PHLDB1: variants seen among roughly 807,000 people sequenced by gnomAD.
PHLDB1 encodes the protein pleckstrin homology like domain family B member 1.
In PHLDB1, 65 loss-of-function variants were observed where a neutral mutation model predicts 139.3. The observed-to-expected ratio is 0.47, with a 90% CI of 0.38 to 0.57. PHLDB1 has a LOEUF of 0.57. Ranked by LOEUF, PHLDB1 falls within the 20% of genes least tolerant of loss-of-function variation. PHLDB1 has a pLI of 0.00. For missense variants in PHLDB1, 1,624 were observed against 1,839.7 expected (o/e 0.88, Z 2.14); for synonymous variants, 679 against 734.5 (o/e 0.92, Z 1.22).
At position 118,656,598 on chromosome 11, in the gene PHLDB1, G is replaced by C. The variant is rs556169667; in HGVS notation, c.3994-85G>C. 4 of 1,364,382 alleles carry C rather than the reference G, an allele frequency of 2.9e-6. No individual in the cohort carries two copies. The African/African-American group carries it at 5.7e-5, about 20-fold the overall frequency. The allele number at this position is 1,364,382 out of a possible 1,614,324, so 84.5% of individuals were successfully genotyped here. On this transcript the variant is annotated intron_variant, in intron 22 of 22. Transcript: ENST00000600882. ...TCCAGGGCTTTCTAGGGGCTGGGAG[G>C]GGAAAGGGCAGATAGGGAGGCAGGT...
Position 118,655,674 on chromosome 11 carries a change from T to G in PHLDB1, c.3944T>G (p.Leu1315Arg). The change falls in exon 21 of 23, where the codon CTG (leucine) becomes CGG (arginine). Residue 1315 changes from leucine to arginine, a missense_variant. Leu to Arg is a moderately radical substitution (Grantham distance 102). Coordinates refer to ENST00000600882, the MANE Select transcript of PHLDB1 (RefSeq NM_001144758.3). ...QAIEEVYYDH[L>R]RSAAKKRFFR... The stretch of plus-strand genomic sequence containing the variant: ...ATTGAGGAAGTGTACTACGACCACC[T>G]GCGCAGTGCAGCCAAGGTCAGGGGT... 1 of 1,612,018 alleles carries G rather than the reference T, an allele frequency of 6.2e-7. No individual in the cohort carries two copies. The highest frequency in any genetic ancestry group is 8.5e-7 in the Non-Finnish European group (1 of 1,178,192).
chr11:118,629,909 C>T, intron 6 of PHLDB1: 1 of 811,840 alleles, frequency 1.2e-6, no homozygotes, highest in Non-Finnish European at 1.7e-6. Context: ...TCACCTGCCA[C>T]TTTAAGTCTT....
At chr11:118,654,818 A>T (rs1948820439) in intron 20 of PHLDB1, 1 of 148,756 alleles carries the variant, frequency 6.7e-6, no homozygotes, top group Non-Finnish European at 1.5e-5. Context: ...CCCGGATTCA[A>T]GTGATTCTCC....
intron 4 of PHLDB1, among the ~76,000 whole-genome samples, chr11:118,618,345 G>T (rs901818754): frequency 1.3e-5 from 2 of 152,098 alleles, no homozygotes; most frequent in South Asian, 4.1e-4. Flanking sequence ...AGGAGCTGAG[G>T]GTTTCCTTGT....
intron 4 of PHLDB1, among the ~76,000 whole-genome samples, chr11:118,619,641 C>G (rs1445858943): frequency 2.0e-5 from 3 of 152,186 alleles, no homozygotes; most frequent in Non-Finnish European, 4.4e-5. Context: ...AGTTTCCAGA[C>G]CGATGAATCA....
intron 18 of PHLDB1, among the ~76,000 whole-genome samples, chr11:118,649,571 T>C (rs1948061155): frequency 6.6e-6 from 1 of 152,098 alleles, no homozygotes; most frequent in Non-Finnish European, 1.5e-5. Flanking sequence ...AGTAGAAAAA[T>C]ATTCCGGTTG....
Position 118,611,672 on chromosome 11 carries a change from A to G in PHLDB1, c.-21-2144A>G, listed in dbSNP as rs1174702251. 6.6e-6 allele frequency among the ~76,000 whole-genome samples: 1 copy of G among 152,102 alleles called. No homozygotes were observed. The highest frequency in any genetic ancestry group is 1.5e-5 in the Non-Finnish European group (1 of 68,008). ...GGAGTTCGAGACCAGCCTGACCAAC[A>G]TGGAGAAACCCCGTCTCTACTAAAA... On this transcript the variant is annotated intron_variant, in intron 1 of 22. Coordinates refer to ENST00000600882, the MANE Select transcript of PHLDB1 (RefSeq NM_001144758.3). This position sits in a 1 kb window ranked among gnomAD's most constrained non-coding sequence, Gnocchi z 4.7.
At chr11:118,655,929 C>T (rs1453716761) in intron 22 of PHLDB1, 37 bp downstream of exon 22, 2 of 1,518,844 alleles carry the variant, frequency 1.3e-6, no homozygotes, top group Non-Finnish European at 1.8e-6. Context: ...AGCACATTAA[C>T]ACCTCCTGTA....
rs782367761 is a variant in PHLDB1, at chr11:118,632,222, G to A, written c.2305G>A (p.Glu769Lys). The change falls in exon 9 of 23, where the codon GAG becomes AAG. Residue 769 changes from glutamate to lysine, a missense_variant. Physicochemically the swap from Glu to Lys is moderately conservative, Grantham distance 56. Coordinates refer to ENST00000600882, the MANE Select transcript of PHLDB1 (RefSeq NM_001144758.3). The surrounding 1 kb of genome is among the most constrained non-coding windows in gnomAD (Gnocchi z 5.9). The part of the protein sequence containing the change: ...REAERALLQK[E>K]QKAVDQLQEK... ...GGCAGAGCGGGCACTGCTGCAGAAG[G>A]AGCAGAAGGCAGTGGATCAGCTGCA... 2 of 1,614,130 alleles carry A rather than the reference G, an allele frequency of 1.2e-6. No homozygotes were observed. The highest frequency in any genetic ancestry group is 2.7e-5 in the African/African-American group (2 of 75,056).
rs1202754455 is a variant in PHLDB1 at position 118,650,571 on chromosome 11, G to A, written c.3874+24G>A. ...GGGTGAGTTCCCACAAGGCCACCCTGGGGGCCAGCCAGGATCCCTGGGCTC... is the reference window on the plus strand; with the variant it reads ...GGGTGAGTTCCCACAAGGCCACCCTAGGGGCCAGCCAGGATCCCTGGGCTC... On this transcript the variant is annotated intron_variant, in intron 20 of 22. Coordinates refer to ENST00000600882, the MANE Select transcript of PHLDB1 (RefSeq NM_001144758.3). This position sits in a 1 kb window ranked among gnomAD's most constrained non-coding sequence, Gnocchi z 4.7. The A allele has an allele frequency of 1.3e-6, 2 of 1,522,270 alleles. No homozygotes were observed. Among genetic ancestry groups the A allele is most frequent in the Non-Finnish European group, 1.8e-6 (2 of 1,096,606 alleles). 94.3% of individuals were successfully genotyped at this position (1,522,270 alleles called of 1,614,324 possible). A position where few individuals can be genotyped will look rare whatever the true frequency, so the allele number is the denominator to read the frequency against.
In PHLDB1 at chr11:118,644,179, G is replaced by T; in HGVS notation, c.3121+5G>T. ...AACTAGCTCTGCAGCAGAAGGGTGA[G>T]TGACTGCCCCGCCAGCCCACCTGCT... On this transcript the variant is annotated splice_donor_5th_base_variant and intron_variant, in intron 15 of 22. Coordinates refer to ENST00000600882, the MANE Select transcript of PHLDB1 (RefSeq NM_001144758.3). 1 of 1,602,970 alleles carries T rather than the reference G, an allele frequency of 6.2e-7. No homozygotes were observed. The highest frequency in any genetic ancestry group is 8.5e-7 in the Non-Finnish European group (1 of 1,174,054).
At chr11:118,629,967 G>A (rs1053249095) in intron 6 of PHLDB1, 1 of 1,274,648 alleles carries the variant, frequency 7.8e-7, no homozygotes, top group African/African-American at 1.5e-5. Context: ...CTGCTTATCT[G>A]GGTCCTGGGG....
At chr11:118,621,876 G>A (rs2077173) in intron 4 of PHLDB1, among the ~76,000 whole-genome samples, 48,433 of 151,852 alleles carry the variant, frequency 0.32, 8,006 homozygotes, top group Admixed American at 0.43. Flanking sequence ...TCTCTGATAG[G>A]AAGGACCAAG....
At chr11:118,607,901 G>T (rs536230939) in intron 1 of PHLDB1, among the ~76,000 whole-genome samples, 1 of 152,112 alleles carries the variant, frequency 6.6e-6, no homozygotes, top group African/African-American at 2.4e-5. Context: ...TTTCCTGTGA[G>T]CCTCTTGCTT....
At chr11:118,618,185 C>T (rs1402668347) in intron 4 of PHLDB1, among the ~76,000 whole-genome samples, 2 of 152,170 alleles carry the variant, frequency 1.3e-5, no homozygotes, top group Admixed American at 1.3e-4. Context: ...TCTTCTGACC[C>T]TAAACCCCTT....
rs533193166 is a variant in PHLDB1 at position 118,650,285 on chromosome 11, C to A, written c.3771+92C>A. 4.1e-5 allele frequency: 44 copies of A among 1,074,228 alleles called. No homozygotes were observed. The highest frequency in any genetic ancestry group is 6.1e-5 in the Non-Finnish European group (42 of 690,398). 66.5% of individuals were successfully genotyped at this position (1,074,228 alleles called of 1,614,324 possible). On this transcript the variant is annotated intron_variant, in intron 19 of 22. Transcript: ENST00000600882. The surrounding 1 kb of genome is among the most constrained non-coding windows in gnomAD (Gnocchi z 4.7). ...GGGTCGTTGGAATAGTGGCGTCAGT[C>A]TCTACCCTCACCTAACCAGATCTCT... is the stretch of plus-strand genomic sequence containing the variant.
At position 118,628,086 on chromosome 11, in the gene PHLDB1, A is replaced by G. The variant is rs781815659; in HGVS notation, c.1263A>G (p.Ser421=). The part of the protein sequence containing the change: ...GSERVLTTSP[S]RQLVGRTFSD... ...AGCGGGTGCTAACAACCAGCCCCTCACGCCAACTGGTGGGCCGAACATTTT... is the reference window on the plus strand; with the variant it reads ...AGCGGGTGCTAACAACCAGCCCCTCGCGCCAACTGGTGGGCCGAACATTTT... Residue 421 remains serine, a synonymous_variant, in exon 6 of 23, where the codon TCA becomes TCG. Transcript: ENST00000600882. 3 of 1,613,782 alleles carry G rather than the reference A, an allele frequency of 1.9e-6. No individual in the cohort carries two copies. Among genetic ancestry groups the G allele is most frequent in the Non-Finnish European group, 2.5e-6 (3 of 1,179,938 alleles).
At chr11:118,637,502 C>A (rs1483335521) in intron 10 of PHLDB1, 3 of 152,210 alleles carry the variant, frequency 2.0e-5, no homozygotes, top group Non-Finnish European at 4.4e-5. Context: ...CCCAACCCCA[C>A]ACCTGGCTAA....
At chr11:118,646,778 G>C (rs1236519462) in intron 17 of PHLDB1, 1 of 152,216 alleles carries the variant, frequency 6.6e-6, no homozygotes, top group African/African-American at 2.4e-5. Flanking sequence ...TTTGAGATGA[G>C]AGTGGGACGC....
Sources: gnomAD v4.1 joint callset for allele counts (sites outside exome capture counted in the v4.1 genomes callset) on GRCh38, gnomAD v4.1.1 for gene constraint, Gnocchi (gnomAD v3.1) non-coding constraint, MANE v1.5 for transcripts, NCBI Gene and HGNC (gene_info 2026-07-23, HGNC 2026-07-21) for gene names.